The following ARHGAP39 variants were observed in gnomAD, a reference collection of about 807,000 sequenced individuals.
ARHGAP39 encodes the protein Rho GTPase activating protein 39.
Under a neutral mutation model 106.9 loss-of-function variants are expected in ARHGAP39, and 44 were observed. The observed-to-expected ratio is 0.41, with a 90% confidence interval of 0.32 to 0.53. The LOEUF is 0.53. Among genes scored for constraint, ARHGAP39 ranks in the 20% least tolerant of loss-of-function variants. The pLI is 0.21. For synonymous variants in ARHGAP39, 768 were observed against 693.2 expected, an observed-to-expected ratio of 1.11 and a Z score of -1.69; for missense variants, 1,496 against 1,577.3, an observed-to-expected ratio of 0.95 and a Z score of 0.87.
At chr8:144,681,505 T>C (rs1822417382) in intron 1 of ARHGAP39, among the ~76,000 whole-genome samples, 1 of 152,178 alleles carries the variant, frequency 6.6e-6, no homozygotes, top group Admixed American at 6.6e-5. Context: ...CAGAGGGGCT[T>C]TGCTAGTAGA....
At chr8:144,533,839 G>A (rs1816832771) in intron 8 of ARHGAP39, among the ~76,000 whole-genome samples, 1 of 152,054 alleles carries the variant, frequency 6.6e-6, no homozygotes, top group East Asian at 1.9e-4. Context: ...AGGCTCTTGG[G>A]ACAGGTCCAG....
intron 2 of ARHGAP39, among the ~76,000 whole-genome samples, chr8:144,601,458 G>A (rs1819936438): frequency 6.7e-6 from 1 of 148,600 alleles, no homozygotes; most frequent in Non-Finnish European, 1.5e-5. Context: ...GTGTGCATGT[G>A]CGTGGAGGTG....
chr8:144,656,881 C>A (rs1821712101), intron 1 of ARHGAP39, among the ~76,000 whole-genome samples: 1 of 147,766 alleles, frequency 6.8e-6, no homozygotes, highest in African/African-American at 2.5e-5. Flanking sequence ...CCACTTTAAC[C>A]AACATTTATA....
chr8:144,629,362 A>G (rs572053072), intron 1 of ARHGAP39, among the ~76,000 whole-genome samples: 3 of 152,162 alleles, frequency 2.0e-5, no homozygotes, highest in African/African-American at 7.2e-5. Flanking sequence ...CCAGGGCTCC[A>G]AGAGCAGACC....
rs569068337 is a variant in ARHGAP39 at position 144,619,846 on chromosome 8, G to A, written c.-81-14151C>T. ...CCTGAGAGTGTGTGTGCCCATGTGCGAGCTTGTGTGTCCGAGAGAGCGTGA... is the reference window on the plus strand; with the variant it reads ...CCTGAGAGTGTGTGTGCCCATGTGCAAGCTTGTGTGTCCGAGAGAGCGTGA... On this transcript the variant is annotated intron_variant, in intron 1 of 11. Transcript: ENST00000377307. Among the ~76,000 whole-genome samples, 4 of 149,292 alleles carry A rather than the reference G, an allele frequency of 2.7e-5. No individual in the cohort carries two copies. The East Asian group carries it at 6.1e-4, about 23-fold the overall frequency.
intron 3 of ARHGAP39, among the ~76,000 whole-genome samples, chr8:144,570,947 C>T (rs1818565877): frequency 6.6e-6 from 1 of 152,170 alleles, no homozygotes; most frequent in African/African-American, 2.4e-5. Context: ...AGTTGAATCT[C>T]TGAATAGACG....
At chr8:144,563,208 T>C (rs1354797975) in intron 3 of ARHGAP39, among the ~76,000 whole-genome samples, 1 of 152,242 alleles carries the variant, frequency 6.6e-6, no homozygotes, top group East Asian at 1.9e-4. Flanking sequence ...CCTATGTTTA[T>C]TGTGTTTTTC....
At chr8:144,534,500 C>T (rs928993117) in intron 7 of ARHGAP39, among the ~76,000 whole-genome samples, 11 of 152,158 alleles carry the variant, frequency 7.2e-5, no homozygotes, top group African/African-American at 2.7e-4. Context: ...GGTCTGAGGG[C>T]CTCTAGACCC....
chr8:144,623,147 G>T (rs1303021760), intron 1 of ARHGAP39, among the ~76,000 whole-genome samples: 5 of 152,216 alleles, frequency 3.3e-5, no homozygotes, highest in African/African-American at 1.2e-4. Flanking sequence ...ACTAATTTTA[G>T]ACTTCAACAA....
In ARHGAP39 at chr8:144,529,242, C is replaced by T. The variant is rs570113065; in HGVS notation, c.*1180G>A. ...TCTCGGGTCCATGCGTCGGGGCGAGCGTCTCAGCCGGGCGGGACCGCAAAG... is the reference window on the plus strand; with the variant it reads ...TCTCGGGTCCATGCGTCGGGGCGAGTGTCTCAGCCGGGCGGGACCGCAAAG... On this transcript the variant is annotated 3_prime_UTR_variant, in exon 12 of 12. Coordinates refer to ENST00000377307, the MANE Select transcript of ARHGAP39 (RefSeq NM_025251.3). 1.2e-4 allele frequency: 28 copies of T among 237,226 alleles called. No individual in the cohort carries two copies. The East Asian group carries it at 2.3e-3, about 20-fold the overall frequency. The allele number at this position is 237,226 out of a possible 1,614,324, so 14.7% of individuals were successfully genotyped here.
At chr8:144,605,433 T>C in intron 2 of ARHGAP39, 102 bp downstream of exon 2, 1 of 1,265,538 alleles carries the variant, frequency 7.9e-7, no homozygotes, top group Non-Finnish European at 1.1e-6. Flanking sequence ...GAATCCATTC[T>C]CCACGGAGAA....
intron 1 of ARHGAP39, among the ~76,000 whole-genome samples, chr8:144,676,419 T>G (rs1462676051): frequency 5.6e-5 from 7 of 124,676 alleles, no homozygotes; most frequent in Admixed American, 4.7e-4. Flanking sequence ...TAGACACGGG[T>G]GCTGCTGACT....
At chr8:144,552,670 G>A (rs1171458324) in intron 4 of ARHGAP39, among the ~76,000 whole-genome samples, 2 of 152,050 alleles carry the variant, frequency 1.3e-5, no homozygotes, top group African/African-American at 2.4e-5. Flanking sequence ...TATCAAGCTG[G>A]TGAGATTTTT....
intron 2 of ARHGAP39, among the ~76,000 whole-genome samples, chr8:144,600,642 G>A (rs756057480): frequency 2.7e-5 from 4 of 149,950 alleles, no homozygotes; most frequent in East Asian, 2.0e-4. Flanking sequence ...ACCTACCTGC[G>A]TGTGCATGGA....
rs147568105 is a variant in ARHGAP39, at chr8:144,645,755, G to A, written c.-82+39931C>T. 6.6e-6 allele frequency among the ~76,000 whole-genome samples: 1 copy of A among 152,344 alleles called. No homozygotes were observed. The highest frequency in any genetic ancestry group is 1.9e-4 in the East Asian group (1 of 5,196). On this transcript the variant is annotated intron_variant, in intron 1 of 11. Coordinates refer to ENST00000377307, the MANE Select transcript of ARHGAP39 (RefSeq NM_025251.3). The surrounding 1 kb of genome is among the most constrained non-coding windows in gnomAD (Gnocchi z 4.4). Reference sequence around the variant, plus strand: ...GAGCGATACACCTTGGATGGCAGAGGTTTATTTTGTGTGGAATCCCAACAC... The same window carrying A: ...GAGCGATACACCTTGGATGGCAGAGATTTATTTTGTGTGGAATCCCAACAC...
In ARHGAP39 at chr8:144,679,557, ACTC is replaced by A. The variant is rs558849019; in HGVS notation, c.-82+6126_-82+6128del. Among the ~76,000 whole-genome samples the A allele has an allele frequency of 3.0e-4, 45 of 151,962 alleles. 1 individual carries two copies. Among genetic ancestry groups the A allele is most frequent in the African/African-American group, 1.0e-3 (42 of 41,440 alleles). On this transcript the variant is annotated intron_variant, in intron 1 of 11. Coordinates refer to ENST00000377307, the MANE Select transcript of ARHGAP39 (RefSeq NM_025251.3). This position sits in a 1 kb window ranked among gnomAD's most constrained non-coding sequence, Gnocchi z 4.7. ...CGCTCTGGAGAAAGCTGTCCAGTAA[ACTC>A]CTGGATTTGGATTTCTTCCTTCACC...
chr8:144,595,560 G>A (rs1276520229), intron 2 of ARHGAP39, among the ~76,000 whole-genome samples: 2 of 152,242 alleles, frequency 1.3e-5, no homozygotes, highest in Non-Finnish European at 2.9e-5. Flanking sequence ...TAAAAAAAAG[G>A]GAGTCTGGCA....
rs535374755 is a variant in ARHGAP39, at chr8:144,580,855, T to A, written c.503A>T (p.Asp168Val). The change falls in exon 3 of 12, where the codon GAC (aspartate) becomes GTC (valine). Residue 168 changes from aspartate to valine, a missense_variant. Transcript: ENST00000377307. Reference protein sequence around the residue: ...RPAAFGTVKEDSGSSSPPGVF... With the variant: ...RPAAFGTVKEVSGSSSPPGVF... ...CTGCCCCCGCCCTCACCTGCCGCTG[T>A]CCTCCTTCACTGTCCCAAACGCCGC... The A allele has an allele frequency of 6.5e-7, 1 of 1,538,450 alleles. No individual in the cohort carries two copies. Among genetic ancestry groups the A allele is most frequent in the East Asian group, 2.3e-5 (1 of 43,072 alleles).
intron 1 of ARHGAP39, among the ~76,000 whole-genome samples, chr8:144,666,609 T>C (rs1821969139): frequency 6.6e-6 from 1 of 152,172 alleles, no homozygotes; most frequent in African/African-American, 2.4e-5. Context: ...CTTCTGCCTT[T>C]GCTTCTTTCT....
Sources: gnomAD v4.1 joint callset for allele counts (sites outside exome capture counted in the v4.1 genomes callset) on GRCh38, gnomAD v4.1.1 for gene constraint, Gnocchi (gnomAD v3.1) non-coding constraint, MANE v1.5 for transcripts, NCBI Gene and HGNC (gene_info 2026-07-23, HGNC 2026-07-21) for gene names.